Variants in APLF observed in about 807,000 individuals in gnomAD.
The protein encoded by APLF is aprataxin and PNK-like factor.
In APLF, 61 loss-of-function variants were observed where a neutral mutation model predicts 55.6. The observed-to-expected ratio is 1.10, with a 90% CI of 0.89 to 1.36. The LOEUF is 1.36. Ranked by LOEUF, APLF falls within the 40% of genes most tolerant of loss-of-function variation. The pLI is 0.00. For missense variants in APLF, 611 were observed against 602.5 expected (o/e 1.01, Z -0.15); for synonymous variants, 207 against 214.8 (o/e 0.96, Z 0.32).
intron 7 of APLF, among the ~76,000 whole-genome samples, chr2:68,543,563 A>G (rs936684665): frequency 5.3e-5 from 8 of 152,218 alleles, no homozygotes; most frequent in Non-Finnish European, 1.2e-4. Flanking sequence ...ACCTGAGCAT[A>G]TACATACCCT....
At chr2:68,566,615 C>G (rs372718504) in intron 8 of APLF, among the ~76,000 whole-genome samples, 1 of 152,044 alleles carries the variant, frequency 6.6e-6, no homozygotes, top group Non-Finnish European at 1.5e-5. Context: ...TGTCAGTTCC[C>G]TAAGAAAGGG....
intron 5 of APLF, among the ~76,000 whole-genome samples, chr2:68,519,150 TAA>T (rs1491120727): frequency 7.4e-6 from 1 of 135,734 alleles, no homozygotes; most frequent in Admixed American, 8.0e-5. Context: ...TATATATATA[TAA>T]AGACTTGACC....
At chr2:68,475,320 A>G (rs1015175074) in intron 1 of APLF, among the ~76,000 whole-genome samples, 1 of 152,204 alleles carries the variant, frequency 6.6e-6, no homozygotes, top group Admixed American at 6.5e-5. Flanking sequence ...TTTCAGTGAC[A>G]TCATGATAGT....
At chr2:68,540,581 G>C (rs1383829008) in intron 7 of APLF, among the ~76,000 whole-genome samples, 1 of 152,130 alleles carries the variant, frequency 6.6e-6, no homozygotes, top group Non-Finnish European at 1.5e-5. Context: ...TTGTGGAATT[G>C]TCACGCTATC....
At chr2:68,469,316 T>A (rs150812159) in intron 1 of APLF, among the ~76,000 whole-genome samples, 257 of 152,168 alleles carry the variant, frequency 1.7e-3, no homozygotes, top group African/African-American at 5.9e-3. Context: ...ACCAGTAGAG[T>A]ACTGTGGGTC....
chr2:68,494,277 C>CAAAAAAAAAAA (rs59466460), intron 2 of APLF, among the ~76,000 whole-genome samples: 43 of 49,534 alleles, frequency 8.7e-4, no homozygotes, highest in African/African-American at 1.8e-3. Context: ...GACCCCGTCT[C>CAAAAAAAAAAA]AAAAAAAAAA....
At chr2:68,502,693 T>G in intron 2 of APLF, 38 bp from the exon 3 acceptor site, 1 of 1,218,038 alleles carries the variant, frequency 8.2e-7, no homozygotes, top group South Asian at 2.3e-5. Context: ...TATTATATTC[T>G]TTTTTAAATT....
chr2:68,542,403 A>G lies in APLF; in HGVS notation c.1161-2784A>G, dbSNP rs142051378. 4.1e-3 allele frequency among the ~76,000 whole-genome samples: 621 copies of G among 152,332 alleles called. 3 individuals are homozygous for G. The highest frequency in any genetic ancestry group is 0.014 in the African/African-American group (591 of 41,586). ...GGGATAAAATATTTGCAAATTATAT[A>G]TCTGATAAGGATTAATGTCTAGAAT... is the stretch of plus-strand genomic sequence containing the variant. On this transcript the variant is annotated intron_variant, in intron 7 of 9. Coordinates refer to ENST00000303795, the MANE Select transcript of APLF (RefSeq NM_173545.3).
chr2:68,519,625 G>C (rs1248295084), intron 5 of APLF, among the ~76,000 whole-genome samples: 3 of 149,286 alleles, frequency 2.0e-5, no homozygotes, highest in African/African-American at 7.3e-5. Context: ...AACACATACA[G>C]AGATGTTATT....
chr2:68,475,184 CT>C (rs1675733887), intron 1 of APLF, among the ~76,000 whole-genome samples: 2 of 152,154 alleles, frequency 1.3e-5, no homozygotes, highest in Non-Finnish European at 1.5e-5. Context: ...TTAAGCTTTC[CT>C]TATGTCTTTA....
chr2:68,506,608 G>A (rs997827628), intron 3 of APLF, among the ~76,000 whole-genome samples: 2 of 151,952 alleles, frequency 1.3e-5, no homozygotes, highest in Non-Finnish European at 2.9e-5. Flanking sequence ...TGAAGAAATT[G>A]GGACACAGAA....
chr2:68,512,817 A>G (rs1669427638), intron 3 of APLF, among the ~76,000 whole-genome samples: 1 of 151,788 alleles, frequency 6.6e-6, no homozygotes, highest in Non-Finnish European at 1.5e-5. Context: ...AGAGCTCTTA[A>G]GCCTTGACAG....
chr2:68,518,990 T>C (rs1189528421), intron 5 of APLF, among the ~76,000 whole-genome samples: 1 of 107,476 alleles, frequency 9.3e-6, no homozygotes, highest in African/African-American at 4.2e-5. Context: ...ATATACAATA[T>C]CTGATAATAT....
chr2:68,528,393 G>A, intron 6 of APLF: 1 of 1,534,354 alleles, frequency 6.5e-7, no homozygotes. Flanking sequence ...TCAGGAGATA[G>A]ACATGGAAGC....
chr2:68,561,308 C>T (rs142413024), intron 8 of APLF, among the ~76,000 whole-genome samples: 21 of 152,228 alleles, frequency 1.4e-4, no homozygotes, highest in African/African-American at 5.0e-4. Flanking sequence ...GTTGCTGTAA[C>T]TTGTACAACC....
intron 3 of APLF, among the ~76,000 whole-genome samples, chr2:68,511,242 T>C (rs1388870683): frequency 2.6e-5 from 4 of 151,820 alleles, no homozygotes. Context: ...TACATTTAAC[T>C]TTCCAAGTTT....
chr2:68,519,983 G>A (rs1365510316), intron 5 of APLF, among the ~76,000 whole-genome samples: 2 of 151,532 alleles, frequency 1.3e-5, no homozygotes, highest in Non-Finnish European at 3.0e-5. Flanking sequence ...CATCTATTAT[G>A]TTTTTGATTT....
chr2:68,526,078 A>G lies in APLF; in HGVS notation c.640A>G (p.Ser214Gly), dbSNP rs761151749. 6 of 1,612,782 alleles carry G rather than the reference A, an allele frequency of 3.7e-6. No individual in the cohort carries two copies. The Admixed American group carries it at 5.0e-5, about 13-fold the overall frequency. ...AISGGNVIQG[S>G]GKEEICKDKS... ...TGTTTAAGGTAATGTAATCCAGGGA[A>G]GTGGAAAAGAAGAAATCTGCAAAGA... Residue 214 changes from serine (S) to glycine (G), a missense_variant, in exon 6 of 10, where the codon AGT (serine) becomes GGT (glycine). Transcript: ENST00000303795.
intron 6 of APLF, among the ~76,000 whole-genome samples, chr2:68,536,194 G>A (rs191876569): frequency 6.6e-5 from 10 of 152,264 alleles, no homozygotes; most frequent in South Asian, 2.1e-4. Flanking sequence ...AGCAAAGAGC[G>A]TATGTTTTAG....
Sources: allele counts gnomAD v4.1 joint callset (sites outside exome capture counted in the v4.1 genomes callset), GRCh38; gene constraint gnomAD v4.1.1; transcripts MANE v1.5; gene names NCBI Gene and HGNC (gene_info 2026-07-23, HGNC 2026-07-21).